The following PC variants were observed in gnomAD, a reference collection of about 807,000 sequenced individuals.
PC encodes the protein pyruvate carboxylase.
PC carries 46 observed loss-of-function variants against 107.8 expected under a neutral mutation model. The ratio of observed to expected loss-of-function variants is 0.43; its 90% CI spans 0.34 to 0.55. PC has a LOEUF of 0.55. Ranked by LOEUF, PC falls within the 20% of genes least tolerant of loss-of-function variation. The pLI is 0.04. For synonymous variants in PC, 662 were observed against 684.7 expected (o/e 0.97, Z 0.52); for missense variants, 1,241 against 1,643.1 (o/e 0.76, Z 4.23).
At chr11:66,890,394 ATT>A (rs148706185) in intron 3 of PC, among the ~76,000 whole-genome samples, 1,512 of 123,378 alleles carry the variant, frequency 0.012, 27 homozygotes, top group African/African-American at 0.038. Flanking sequence ...ATTGTTTCCC[ATT>A]TTTTTTTTTT....
At position 66,863,797 on chromosome 11, in the gene PC, C is replaced by T; in HGVS notation, c.1345G>A (p.Glu449Lys). The change falls in exon 12 of 23, where the codon GAG (glutamate) becomes AAG (lysine). Residue 449 changes from glutamate to lysine, a missense_variant. Physicochemically the swap from Glu to Lys is moderately conservative, Grantham distance 56. Coordinates refer to ENST00000393960, the MANE Select transcript of PC (RefSeq NM_001040716.2). Reference sequence around the variant, plus strand: ...ACCTTCACACCTCGGACGCGGAACTCCGCAAGGGCCCTGCTCATCTTGGTG... The same window carrying T: ...ACCTTCACACCTCGGACGCGGAACTTCGCAAGGGCCCTGCTCATCTTGGTG... ...AATKMSRALA[E>K]FRVRGVKTNI... 6.2e-7 allele frequency: 1 copy of T among 1,612,918 alleles called. No homozygotes were observed. The highest frequency in any genetic ancestry group is 8.5e-7 in the Non-Finnish European group (1 of 1,179,860).
intron 3 of PC, among the ~76,000 whole-genome samples, chr11:66,903,176 C>T (rs1439514055): frequency 6.6e-6 from 1 of 152,170 alleles, no homozygotes; most frequent in Admixed American, 6.5e-5. Context: ...TCTACGAAAG[C>T]CCTAGGGCCA....
chr11:66,901,091 G>A (rs1477579913), intron 3 of PC, among the ~76,000 whole-genome samples: 2 of 152,182 alleles, frequency 1.3e-5, no homozygotes, highest in African/African-American at 4.8e-5. Flanking sequence ...GGATGCCAGA[G>A]CTCTCATCCC....
chr11:66,849,495 C>A (rs1398491338), intron 21 of PC, 116 bp downstream of exon 21: 16 of 1,605,090 alleles, frequency 1.0e-5, no homozygotes, highest in Non-Finnish European at 1.3e-5. Flanking sequence ...AGCTCCCGGT[C>A]TCAAGGGTCC....
chr11:66,926,569 A>G (rs1363849333), intron 3 of PC, among the ~76,000 whole-genome samples: 1 of 152,228 alleles, frequency 6.6e-6, no homozygotes, highest in East Asian at 1.9e-4. Flanking sequence ...TGTTTAATAT[A>G]TAGGCCTAAT....
At chr11:66,920,308 C>T (rs887003059) in intron 3 of PC, among the ~76,000 whole-genome samples, 1 of 152,130 alleles carries the variant, frequency 6.6e-6, no homozygotes. Flanking sequence ...CCCAGCACCC[C>T]GTCACCCTCC....
intron 12 of PC, among the ~76,000 whole-genome samples, chr11:66,855,925 A>C (rs532291387): frequency 2.8e-4 from 43 of 152,354 alleles, no homozygotes; most frequent in African/African-American, 1.0e-3. Flanking sequence ...GGTTTCCCCG[A>C]GTTTCCTGCC....
intron 1 of PC, among the ~76,000 whole-genome samples, chr11:66,955,706 C>T (rs1949544006): frequency 6.6e-6 from 1 of 152,080 alleles, no homozygotes; most frequent in South Asian, 2.1e-4. Flanking sequence ...ACCAGAACAC[C>T]ATGGGACACA....
Position 66,871,726 on chromosome 11 carries a change from C to T in PC, c.282G>A (p.Gln94=). 1 of 1,573,746 alleles carries T rather than the reference C, an allele frequency of 6.4e-7. No homozygotes were observed. Among genetic ancestry groups the T allele is most frequent in the Non-Finnish European group, 8.6e-7 (1 of 1,159,764 alleles). ...YLIGRGLAPV[Q]AYLHIPDIIK... is the part of the protein sequence containing the mutation. ...TGATGTCTGGGATGTGCAGGTAGGCCTGCACGGGGGCCAGGCCGCGGCCGA... is the reference window on the plus strand; with the variant it reads ...TGATGTCTGGGATGTGCAGGTAGGCTTGCACGGGGGCCAGGCCGCGGCCGA... Residue 94 remains glutamine, a synonymous_variant, in exon 5 of 23, where the codon CAG becomes CAA. Coordinates refer to ENST00000393960, the MANE Select transcript of PC (RefSeq NM_001040716.2). The surrounding 1 kb of genome is among the most constrained non-coding windows in gnomAD (Gnocchi z 7.4).
At chr11:66,895,876 G>A (rs974759748) in intron 3 of PC, among the ~76,000 whole-genome samples, 1 of 152,138 alleles carries the variant, frequency 6.6e-6, no homozygotes, top group Admixed American at 6.5e-5. Flanking sequence ...AGAGCCTCAC[G>A]AAACAGATGA....
At chr11:66,899,272 G>A (rs1247551915) in intron 3 of PC, among the ~76,000 whole-genome samples, 6 of 152,180 alleles carry the variant, frequency 3.9e-5, no homozygotes, top group African/African-American at 7.2e-5. Context: ...GTGTTGTGGT[G>A]TGTGCCAGTA....
rs148492494 is a variant in PC, at chr11:66,849,095, G to A, written c.3341C>T (p.Ala1114Val). ...GTCTATCACCTTCCCAGGCATGGGCGCCCCGATCTGGCCCTTCACGTCCTT... is the reference window on the plus strand; with the variant it reads ...GTCTATCACCTTCCCAGGCATGGGCACCCCGATCTGGCCCTTCACGTCCTT... ...ALKDVKGQIG[A>V]PMPGKVIDIK... Residue 1114 changes from alanine to valine, a missense_variant, in exon 23 of 23, where the codon GCG (alanine) becomes GTG (valine). Physicochemically the swap from Ala to Val is moderately conservative, Grantham distance 64 (BLOSUM62 0). Transcript: ENST00000393960. The A allele has an allele frequency of 2.0e-4, 330 of 1,614,106 alleles. 2 individuals carry two copies. The highest frequency in any genetic ancestry group is 1.6e-3 in the Middle Eastern group (10 of 6,062).
At chr11:66,887,992 G>A (rs1947434868) in intron 3 of PC, among the ~76,000 whole-genome samples, 1 of 152,232 alleles carries the variant, frequency 6.6e-6, no homozygotes, top group Non-Finnish European at 1.5e-5. Flanking sequence ...CTCTGGCTCT[G>A]TCTCCACATC....
rs915471244 is a variant in PC, at chr11:66,871,214, G to A, written c.488-17C>T. The A allele has an allele frequency of 1.2e-6, 2 of 1,613,110 alleles. No individual in the cohort carries two copies. Among genetic ancestry groups the A allele is most frequent in the East Asian group, 4.5e-5 (2 of 44,838 alleles). On this transcript the variant is annotated splice_polypyrimidine_tract_variant and intron_variant, in intron 6 of 22. Transcript: ENST00000393960. The surrounding 1 kb of genome is among the most constrained non-coding windows in gnomAD (Gnocchi z 7.4). ...CGGGAACACCTGTTGGGAGAAAGGT[G>A]TGGGGGAGTCTCTGTAACAGGCGGG...
intron 3 of PC, among the ~76,000 whole-genome samples, chr11:66,920,084 AAC>A (rs1948558336): frequency 6.6e-6 from 1 of 152,210 alleles, no homozygotes; most frequent in Admixed American, 6.5e-5. Flanking sequence ...CTGGTAATCA[AAC>A]ACAGAGAGAA....
At chr11:66,945,938 T>A (rs1429783950) in intron 3 of PC, among the ~76,000 whole-genome samples, 1 of 149,404 alleles carries the variant, frequency 6.7e-6, no homozygotes, top group Non-Finnish European at 1.5e-5. Context: ...TACAAAAAAT[T>A]AGCAGGGCGC....
rs149249022 is a variant in PC, at chr11:66,858,255, C to T, written c.1369-4872G>A. ...GGCCGGCATCGGCGCCATGCCTGCC[C>T]TGCACACCCTCAACCTGGACCATAA... On this transcript the variant is annotated intron_variant, in intron 12 of 22. Coordinates refer to ENST00000393960, the MANE Select transcript of PC (RefSeq NM_001040716.2). This position sits in a 1 kb window ranked among gnomAD's most constrained non-coding sequence, Gnocchi z 5.9. The T allele has an allele frequency of 1.8e-5, 29 of 1,612,494 alleles. No homozygotes were observed. In the African/African-American group the frequency reaches 3.1e-4, roughly 17 times the overall value.
chr11:66,869,971 T>G (rs1946655397), intron 9 of PC, among the ~76,000 whole-genome samples: 1 of 152,200 alleles, frequency 6.6e-6, no homozygotes, highest in Admixed American at 6.5e-5. Context: ...CCACGGAATC[T>G]CATTCTCCTG....
chr11:66,921,607 G>A (rs1948598559), intron 3 of PC, among the ~76,000 whole-genome samples: 1 of 152,078 alleles, frequency 6.6e-6, no homozygotes, highest in Non-Finnish European at 1.5e-5. Flanking sequence ...GGGCATGGGC[G>A]GTGGGGTGGG....
Sources: allele counts gnomAD v4.1 joint callset (sites outside exome capture counted in the v4.1 genomes callset), GRCh38; gene constraint gnomAD v4.1.1; non-coding constraint Gnocchi (gnomAD v3.1); transcripts MANE v1.5; gene names NCBI Gene and HGNC (gene_info 2026-07-23, HGNC 2026-07-21).